The following ARHGAP24 variants were observed in gnomAD, a reference collection of about 807,000 sequenced individuals.
ARHGAP24 encodes the protein rho GTPase-activating protein 24.
A neutral mutation model predicts 76.4 loss-of-function variants in ARHGAP24; 50 were observed. That is an observed-to-expected ratio of 0.65 (90% CI 0.52 to 0.83). The LOEUF is 0.83. Ranked by LOEUF, ARHGAP24 falls within the 40% of genes least tolerant of loss-of-function variation. The pLI, the probability that ARHGAP24 is intolerant of heterozygous loss-of-function variation, is 0.00. For synonymous variants in ARHGAP24, 345 were observed against 323.3 expected (o/e 1.07, Z -0.72); for missense variants, 930 against 914.2 (o/e 1.02, Z -0.22).
At chr4:85,741,321 C>T (rs1725817860) in intron 3 of ARHGAP24, among the ~76,000 whole-genome samples, 1 of 152,102 alleles carries the variant, frequency 6.6e-6, no homozygotes, top group Non-Finnish European at 1.5e-5. Flanking sequence ...CTTAGAGACT[C>T]TATGGTGCTA....
chr4:85,573,103 C>T lies in ARHGAP24; in HGVS notation c.180+2382C>T, dbSNP rs10016029. 4.6e-3 allele frequency among the ~76,000 whole-genome samples: 700 copies of T among 152,174 alleles called. 7 individuals carry two copies. The highest frequency in any genetic ancestry group is 0.016 in the African/African-American group (654 of 41,526). ...TGTTGGCCATGCTGGTCTTGAACTC[C>T]TGACCTCAGATGATCCACCTGCCTC... is the stretch of plus-strand genomic sequence containing the variant. On this transcript the variant is annotated intron_variant, in intron 2 of 9. Transcript: ENST00000395184.
chr4:85,536,002 T>C (rs752518699), intron 1 of ARHGAP24, among the ~76,000 whole-genome samples: 81 of 152,174 alleles, frequency 5.3e-4, no homozygotes, highest in Non-Finnish European at 1.1e-3. Context: ...TACCATGACT[T>C]AGTTTACATC....
intron 3 of ARHGAP24, among the ~76,000 whole-genome samples, chr4:85,725,857 T>G (rs1397832502): frequency 6.6e-6 from 1 of 152,276 alleles, no homozygotes; most frequent in Non-Finnish European, 1.5e-5. Flanking sequence ...TCCTTTGGCT[T>G]GTCACTTTCT....
intron 5 of ARHGAP24, among the ~76,000 whole-genome samples, chr4:85,945,319 A>G (rs1375098910): frequency 6.7e-6 from 1 of 149,662 alleles, no homozygotes; most frequent in African/African-American, 2.5e-5. Flanking sequence ...TTTTTTGTAT[A>G]TTTTGTTGAG....
At chr4:85,649,393 G>T (rs1160409668) in intron 2 of ARHGAP24, among the ~76,000 whole-genome samples, 3 of 152,058 alleles carry the variant, frequency 2.0e-5, no homozygotes, top group African/African-American at 4.8e-5. Context: ...AATGTCAGCG[G>T]TGTTCAATAT....
chr4:85,740,227 T>A (rs1215381338), intron 3 of ARHGAP24, among the ~76,000 whole-genome samples: 1 of 149,726 alleles, frequency 6.7e-6, no homozygotes, highest in Non-Finnish European at 1.5e-5. Flanking sequence ...TGTTGGGGTT[T>A]TTTTTTTTTT....
intron 1 of ARHGAP24, among the ~76,000 whole-genome samples, chr4:85,477,523 G>A (rs1363559408): frequency 3.9e-5 from 6 of 152,198 alleles, no homozygotes; most frequent in Non-Finnish European, 7.3e-5. Context: ...TTCAGCTTTT[G>A]CTGGGGATAG....
intron 3 of ARHGAP24, among the ~76,000 whole-genome samples, chr4:85,872,821 G>A (rs985825401): frequency 3.3e-5 from 5 of 149,698 alleles, no homozygotes; most frequent in African/African-American, 4.9e-5. Flanking sequence ...GGCTGGTCTC[G>A]AACTCCTGAG....
chr4:85,545,903 A>G (rs6829120), intron 1 of ARHGAP24, among the ~76,000 whole-genome samples: 17,801 of 152,080 alleles, frequency 0.12, 2,911 homozygotes, highest in African/African-American at 0.37. Context: ...GTCTGGGGCT[A>G]TTCTACACTA....
intron 2 of ARHGAP24, among the ~76,000 whole-genome samples, chr4:85,707,998 A>G (rs1253729183): frequency 1.3e-5 from 2 of 152,132 alleles, no homozygotes; most frequent in African/African-American, 2.4e-5. Context: ...AGCTGAGGAA[A>G]TTGCTGTTCA....
intron 2 of ARHGAP24, among the ~76,000 whole-genome samples, chr4:85,635,460 T>G (rs1721284948): frequency 6.6e-6 from 1 of 151,898 alleles, no homozygotes; most frequent in South Asian, 2.1e-4. Flanking sequence ...ATTGTCTCTT[T>G]TATTTATTGC....
chr4:85,756,337 T>G (rs1726493927), intron 3 of ARHGAP24, among the ~76,000 whole-genome samples: 1 of 152,186 alleles, frequency 6.6e-6, no homozygotes. Context: ...CCATGCCTAA[T>G]TTACCTTATA....
intron 3 of ARHGAP24, among the ~76,000 whole-genome samples, chr4:85,908,884 T>C (rs1199736695): frequency 6.6e-6 from 1 of 151,844 alleles, no homozygotes; most frequent in Non-Finnish European, 1.5e-5. Context: ...AAAGCCTTAA[T>C]GGAAACAAAT....
intron 2 of ARHGAP24, among the ~76,000 whole-genome samples, chr4:85,573,536 C>A (rs1476968139): frequency 1.3e-5 from 2 of 152,198 alleles, no homozygotes; most frequent in Non-Finnish European, 2.9e-5. Flanking sequence ...CTGTTCTCAA[C>A]TCCCATCTAT....
intron 1 of ARHGAP24, among the ~76,000 whole-genome samples, chr4:85,507,236 T>G (rs1724091103): frequency 6.6e-6 from 1 of 152,058 alleles, no homozygotes; most frequent in African/African-American, 2.4e-5. Context: ...ATTATTTTTT[T>G]TTAGAGACAG....
In ARHGAP24 at chr4:85,981,499, G is replaced by A. The variant is rs551153910; in HGVS notation, c.928+3808G>A. On this transcript the variant is annotated intron_variant, in intron 8 of 9. Coordinates refer to ENST00000395184, the MANE Select transcript of ARHGAP24 (RefSeq NM_001025616.3). ...GCATAACTCAGTGAATTTTCCAAAT[G>A]ACATGTTGTCACAACTCCATGTGTG... is the stretch of plus-strand genomic sequence containing the variant. Among the ~76,000 whole-genome samples the A allele has an allele frequency of 2.6e-5, 4 of 152,206 alleles. No individual in the cohort carries two copies. In the South Asian group the frequency reaches 6.2e-4, roughly 24 times the overall value.
At chr4:85,818,545 C>A (rs1487186779) in intron 3 of ARHGAP24, among the ~76,000 whole-genome samples, 9 of 152,076 alleles carry the variant, frequency 5.9e-5, no homozygotes, top group East Asian at 1.9e-4. Context: ...TAATTTGAGA[C>A]CATGTAAATT....
intron 1 of ARHGAP24, among the ~76,000 whole-genome samples, chr4:85,500,857 T>C (rs1405883754): frequency 4.6e-5 from 7 of 151,952 alleles, no homozygotes; most frequent in Admixed American, 3.3e-4. Flanking sequence ...CTAACGCTGT[T>C]CCTCCCCCAG....
At chr4:85,823,348 A>C (rs372381344) in intron 3 of ARHGAP24, among the ~76,000 whole-genome samples, 3 of 152,182 alleles carry the variant, frequency 2.0e-5, no homozygotes, top group East Asian at 3.8e-4. Context: ...ATATCTTATG[A>C]AAATCCTAAC....
Sources: allele counts gnomAD v4.1 joint callset (sites outside exome capture counted in the v4.1 genomes callset), GRCh38; gene constraint gnomAD v4.1.1; transcripts MANE v1.5; gene names NCBI Gene and HGNC (gene_info 2026-07-23, HGNC 2026-07-21).